Variants in AKAP9 observed in about 807,000 individuals in gnomAD.
The protein encoded by AKAP9 is A-kinase anchor protein 9.
Under a neutral mutation model 488.5 loss-of-function variants are expected in AKAP9, and 311 were observed. The ratio of observed to expected loss-of-function variants is 0.64; its 90% confidence interval spans 0.58 to 0.70. The LOEUF is 0.70. AKAP9 is among the 30% of genes least tolerant of loss of function. AKAP9 has a pLI of 0.00. For synonymous variants in AKAP9, 1,462 were observed against 1,483.5 expected (o/e 0.99, Z 0.33); for missense variants, 4,215 against 4,374.5 (o/e 0.96, Z 1.03).
chr7:92,086,761 G>C (rs1480453772), intron 37 of AKAP9, among the ~76,000 whole-genome samples: 2 of 152,156 alleles, frequency 1.3e-5, no homozygotes, highest in South Asian at 2.1e-4. Flanking sequence ...TTAGGTTCCT[G>C]TAAGCCTTTG....
chr7:92,017,620 C>G (rs1801705927), intron 12 of AKAP9, among the ~76,000 whole-genome samples: 1 of 152,056 alleles, frequency 6.6e-6, no homozygotes. Flanking sequence ...AAGTGTAATT[C>G]TCATGTAGAA....
intron 39 of AKAP9, among the ~76,000 whole-genome samples, chr7:92,094,609 C>G (rs367667538): frequency 1.3e-4 from 20 of 152,102 alleles, no homozygotes; most frequent in African/African-American, 4.3e-4. Context: ...CCAAGACAGG[C>G]GGATCATGAG....
intron 38 of AKAP9, chr7:92,090,734 A>G (rs755476071): frequency 6.6e-6 from 1 of 152,044 alleles, no homozygotes; most frequent in African/African-American, 2.4e-5. Context: ...CTGTTTAGCT[A>G]TCAATGTTAT....
intron 3 of AKAP9, among the ~76,000 whole-genome samples, chr7:91,982,697 G>A (rs1796586259): frequency 1.3e-5 from 2 of 152,126 alleles, no homozygotes; most frequent in South Asian, 4.1e-4. Flanking sequence ...AATACTTTGG[G>A]TATATACCCA....
rs192855882 is a variant in AKAP9, at chr7:92,027,798, C to T, written c.4149-2097C>T. Among the ~76,000 whole-genome samples the T allele has an allele frequency of 1.9e-3, 292 of 152,294 alleles. 1 individual carries two copies. The highest frequency in any genetic ancestry group is 6.6e-3 in the African/African-American group (273 of 41,558). On this transcript the variant is annotated intron_variant, in intron 14 of 49. Coordinates refer to ENST00000356239, the MANE Select transcript of AKAP9 (RefSeq NM_005751.5). ...GGTGTACCCAACAGCTCCGAAGAGA[C>T]AGCAACCATTGAGAACAGGCCATAA... is the stretch of plus-strand genomic sequence containing the variant.
chr7:92,072,943 T>G (rs1318918413), intron 28 of AKAP9, among the ~76,000 whole-genome samples: 3 of 152,182 alleles, frequency 2.0e-5, no homozygotes, highest in Non-Finnish European at 4.4e-5. Context: ...TTGATCATGG[T>G]CACACCTTAA....
At chr7:92,083,684 C>T in intron 33 of AKAP9, 29 bp downstream of exon 33, 1 of 1,598,256 alleles carries the variant, frequency 6.3e-7, no homozygotes, top group Non-Finnish European at 8.5e-7. Context: ...ATGTGTTTTT[C>T]AACATTGTGT....
intron 8 of AKAP9, among the ~76,000 whole-genome samples, chr7:92,011,829 G>A (rs968327033): frequency 6.6e-6 from 1 of 152,218 alleles, no homozygotes; most frequent in Non-Finnish European, 1.5e-5. Context: ...AAAGCAAGTA[G>A]TAGGCAGGGT....
At chr7:92,066,568 C>T (rs369696294) in intron 26 of AKAP9, 22 bp downstream of exon 26, 27 of 1,612,352 alleles carry the variant, frequency 1.7e-5, no homozygotes, top group Non-Finnish European at 2.2e-5. Context: ...ACTGATATTG[C>T]CCAACTTACA....
At chr7:92,085,740 A>G (rs1814441903) in intron 36 of AKAP9, 54 bp downstream of exon 36, 1 of 1,200,760 alleles carries the variant, frequency 8.3e-7, no homozygotes, top group Non-Finnish European at 1.2e-6. Context: ...TTGAACAATA[A>G]TAATACATTA....
rs6960867 is a variant in AKAP9 at position 92,083,384 on chromosome 7, A to G, written c.8375A>G (p.Asn2792Ser). Residue 2792 changes from asparagine (N) to serine (S), a missense_variant, in exon 33 of 50, where the codon AAT becomes AGT. Around this residue, in one of 5 missense-constraint regions of AKAP9, gnomAD observed 1,476 missense variants for 1,477.4 expected, o/e 1.00. Transcript: ENST00000356239. ...TDGTLKISSS[N>S]QTPQILVKNA... ...GGGACTCTGAAGATCAGTAGCAGCA[A>G]TCAGACTCCACAAATTCTTGTTAAA... 0.38 allele frequency: 605,330 copies of G among 1,613,262 alleles called. 116,125 individuals carry two copies. Among genetic ancestry groups the G allele is most frequent in the Middle Eastern group, 0.42 (2,527 of 6,062 alleles).
chr7:91,981,592 A>G (rs995540061), intron 3 of AKAP9, among the ~76,000 whole-genome samples: 5 of 142,446 alleles, frequency 3.5e-5, no homozygotes, highest in African/African-American at 5.2e-5. Context: ...TAATTTTTAT[A>G]TCTTGTATTT....
At chr7:92,010,434 G>A (rs1380431062) in intron 8 of AKAP9, among the ~76,000 whole-genome samples, 3 of 152,232 alleles carry the variant, frequency 2.0e-5, no homozygotes, top group African/African-American at 7.2e-5. Flanking sequence ...AATGCCCGCA[G>A]GGCCAGCTAG....
chr7:92,095,577 C>T (rs533811452), intron 40 of AKAP9, among the ~76,000 whole-genome samples: 95 of 152,222 alleles, frequency 6.2e-4, no homozygotes, highest in African/African-American at 2.1e-3. Context: ...GAACATTGGC[C>T]CCTTTCAGAG....
Position 92,097,732 on chromosome 7 carries a change from C to A in AKAP9, c.10545C>A (p.Ile3515=). The change falls in exon 42 of 50, where the codon ATC becomes ATA. Residue 3515 remains isoleucine (I), a synonymous_variant. Coordinates refer to ENST00000356239, the MANE Select transcript of AKAP9 (RefSeq NM_005751.5). ...GTGCNHELEM[I]RQKLQCVASK... ...GCTGTAATCATGAATTAGAAATGAT[C>A]AGACAAAAGCTTCAATGTGTAGCTT... 5 of 1,614,158 alleles carry A rather than the reference C, an allele frequency of 3.1e-6. No individual in the cohort carries two copies. The highest frequency in any genetic ancestry group is 4.2e-6 in the Non-Finnish European group (5 of 1,180,026).
rs1443107136 is a variant in AKAP9, at chr7:91,995,801, G to T, written c.930+1G>T. 6.3e-7 allele frequency: 1 copy of T among 1,596,422 alleles called. No homozygotes were observed. Among genetic ancestry groups the T allele is most frequent in the African/African-American group, 1.3e-5 (1 of 74,466 alleles). On this transcript the variant is annotated splice_donor_variant, in intron 7 of 49. Transcript: ENST00000356239. LOFTEE classifies it high-confidence loss of function. The stretch of plus-strand genomic sequence containing the variant: ...AGAGAAAATTAAAGTATATGAAATG[G>T]TATGTTTATTTTAAGGAAGTCAGCT...
intron 17 of AKAP9, 93 bp from the exon 18 acceptor site, chr7:92,040,581 T>A: frequency 1.2e-6 from 1 of 864,102 alleles, no homozygotes; most frequent in Middle Eastern, 2.5e-4. Flanking sequence ...GGAATAGAAT[T>A]GCTTTCGTAT....
At position 92,002,018 on chromosome 7, in the gene AKAP9, A is replaced by G; in HGVS notation, c.2101A>G (p.Lys701Glu). The change falls in exon 8 of 50, where the codon AAG becomes GAG. Residue 701 changes from lysine (K) to glutamate (E), a missense_variant. This residue lies in a region of AKAP9 where 2,361 missense variants were observed against 2,430.0 expected (regional missense o/e 0.97). Coordinates refer to ENST00000356239, the MANE Select transcript of AKAP9 (RefSeq NM_005751.5). ...GAATCAATTAATTTTGGAAATTTCA[A>G]AGCTAAAAGATTTACAGCAGTCTCT... ...KQNQLILEIS[K>E]LKDLQQSLVN... 1 of 1,611,038 alleles carries G rather than the reference A, an allele frequency of 6.2e-7. No homozygotes were observed. The highest frequency in any genetic ancestry group is 1.3e-5 in the African/African-American group (1 of 74,916).
Position 92,080,000 on chromosome 7 carries a change from A to G in AKAP9, c.7867A>G (p.Ile2623Val). Residue 2623 changes from isoleucine (I) to valine (V), a missense_variant, in exon 31 of 50, where the codon ATT becomes GTT. By Grantham distance (29) the Ile-to-Val change is conservative. This residue lies in a region of AKAP9 where 1,476 missense variants were observed against 1,477.4 expected (regional missense o/e 1.00). Coordinates refer to ENST00000356239, the MANE Select transcript of AKAP9 (RefSeq NM_005751.5). ...GGTTGTTGAAATGCATACTAGTTTG[A>G]TTTTAGAAAAAGAACAAGTAGAAAT... ...SQVVEMHTSL[I>V]LEKEQVEIAE... 4 of 1,565,206 alleles carry G rather than the reference A, an allele frequency of 2.6e-6. No homozygotes were observed. In the South Asian group the frequency reaches 4.9e-5, roughly 19 times the overall value.
Sources: allele counts gnomAD v4.1 joint callset (sites outside exome capture counted in the v4.1 genomes callset), GRCh38; gene constraint gnomAD v4.1.1; regional missense constraint gnomAD v4.1.1; transcripts MANE v1.5; gene names NCBI Gene and HGNC (gene_info 2026-07-23, HGNC 2026-07-21).